The following DNAAF9 variants were observed in gnomAD, a reference collection of about 807,000 sequenced individuals.
The protein encoded by DNAAF9 is shulin.
DNAAF9 carries 90 observed loss-of-function variants against 167.0 expected under a neutral mutation model. That is an observed-to-expected ratio of 0.54 (90% CI 0.45 to 0.64). The LOEUF is 0.64. Among genes scored for constraint, DNAAF9 ranks in the 30% least tolerant of loss-of-function variants. The pLI is 0.00. For missense variants in DNAAF9, 1,315 were observed against 1,442.2 expected (o/e 0.91, Z 1.43); for synonymous variants, 491 against 508.8 (o/e 0.96, Z 0.47).
intron 8 of DNAAF9, among the ~76,000 whole-genome samples, chr20:3,343,988 CAAAAT>C (rs2070140722): frequency 6.7e-6 from 1 of 150,350 alleles, no homozygotes; most frequent in Admixed American, 6.6e-5. Context: ...AAGTGGCAAA[CAAAAT>C]AATACCAAAA....
At chr20:3,330,576 GA>G in intron 12 of DNAAF9, 69 bp downstream of exon 12, 1 of 898,572 alleles carries the variant, frequency 1.1e-6, no homozygotes. Flanking sequence ...ATCTCAAAAG[GA>G]AGTACACAGG....
intron 12 of DNAAF9, among the ~76,000 whole-genome samples, chr20:3,328,030 C>A (rs1206462260): frequency 6.6e-6 from 1 of 152,118 alleles, no homozygotes; most frequent in Non-Finnish European, 1.5e-5. Context: ...GCAAAGATAT[C>A]CCCCTCCTCA....
chr20:3,325,194 T>C (rs931338235), intron 13 of DNAAF9, among the ~76,000 whole-genome samples: 2 of 152,184 alleles, frequency 1.3e-5, no homozygotes, highest in African/African-American at 4.8e-5. Flanking sequence ...AGGACAAAAC[T>C]GCATTCAGGC....
Position 3,250,432 on chromosome 20 carries a change from G to A in DNAAF9, c.*2140C>T, listed in dbSNP as rs1021965587. 1 of 152,254 alleles carries A rather than the reference G, an allele frequency of 6.6e-6. No homozygotes were observed. Among genetic ancestry groups the A allele is most frequent in the Non-Finnish European group, 1.5e-5 (1 of 68,054 alleles). 9.4% of individuals were successfully genotyped at this position (152,254 alleles called of 1,614,324 possible). A position where few individuals can be genotyped will look rare whatever the true frequency, so the allele number is the denominator to read the frequency against. ...CCCTTCACGTTCCCGAGTAGGCTGA[G>A]GAGCATCAACAGAGGCCTCAGCCAG... On this transcript the variant is annotated 3_prime_UTR_variant, in exon 37 of 37. Coordinates refer to ENST00000252032, the MANE Select transcript of DNAAF9 (RefSeq NM_001009984.3).
At chr20:3,337,472 C>A (rs2069986312) in intron 10 of DNAAF9, among the ~76,000 whole-genome samples, 1 of 139,778 alleles carries the variant, frequency 7.2e-6, no homozygotes. Flanking sequence ...TTAGTAGAGA[C>A]CAGGTTTCAC....
chr20:3,252,659 G>GT lies in DNAAF9; in HGVS notation c.3446dup (p.Tyr1149Ter), dbSNP rs1568557154. The GT allele has an allele frequency of 6.2e-7, 1 of 1,607,992 alleles. No homozygotes were observed. The highest frequency in any genetic ancestry group is 2.2e-5 in the East Asian group (1 of 44,862). Residue 1149 changes from tyrosine (Y) to a stop codon, truncating the protein, a stop_gained and frameshift_variant, in exon 37 of 37, where the codon TAC becomes TAAC. Coordinates refer to ENST00000252032, the MANE Select transcript of DNAAF9 (RefSeq NM_001009984.3). LOFTEE classifies it high-confidence loss of function. ...HPLMDQFMND[Y>*]VEEANREIEK... is the part of the protein sequence containing the mutation. ...CAATTTCCCGGTTGGCTTCTTCCAC[G>GT]TAGTCATTCATGAACTGGTCCATGA...
At chr20:3,361,324 G>A (rs2083361056) in intron 6 of DNAAF9, among the ~76,000 whole-genome samples, 1 of 152,072 alleles carries the variant, frequency 6.6e-6, no homozygotes, top group Admixed American at 6.6e-5. Flanking sequence ...AGGAGTGTGG[G>A]GACAGGATGA....
intron 1 of DNAAF9, among the ~76,000 whole-genome samples, chr20:3,393,476 C>T (rs975961796): frequency 1.3e-5 from 2 of 152,022 alleles, no homozygotes; most frequent in African/African-American, 4.8e-5. Flanking sequence ...TGAGCCACTG[C>T]ACTCCAGCCT....
chr20:3,391,164 TTTC>T (rs1458544086), intron 1 of DNAAF9, among the ~76,000 whole-genome samples: 2 of 152,246 alleles, frequency 1.3e-5, no homozygotes, highest in Non-Finnish European at 2.9e-5. Context: ...CTAATTAGTG[TTTC>T]TTATTTTATT....
At chr20:3,266,402 CATT>C (rs1472960167) in intron 30 of DNAAF9, among the ~76,000 whole-genome samples, 2 of 152,178 alleles carry the variant, frequency 1.3e-5, no homozygotes, top group Non-Finnish European at 2.9e-5. Context: ...TTTTAGCATT[CATT>C]GATCGTTCCC....
chr20:3,324,946 G>A lies in DNAAF9; in HGVS notation c.1211C>T (p.Thr404Ile), dbSNP rs190605250. Reference sequence around the variant, plus strand: ...AAAGGAATCTAACCCAGATCCCAGAGTTTGCTCTGCTACCTCCTTGGCCTG... The same window carrying A: ...AAAGGAATCTAACCCAGATCCCAGAATTTGCTCTGCTACCTCCTTGGCCTG... ...LTKAKEVAEQ[T>I]LGSGLDSFEL... Residue 404 changes from threonine to isoleucine, a missense_variant, in exon 14 of 37, where the codon ACT becomes ATT. By Grantham distance (89) the Thr-to-Ile change is moderately conservative. Transcript: ENST00000252032. 2.2e-5 allele frequency: 36 copies of A among 1,607,246 alleles called. No homozygotes were observed. The Admixed American group carries it at 3.5e-4, about 16-fold the overall frequency.
In DNAAF9 at chr20:3,255,616, C is replaced by T. The variant is rs556600934; in HGVS notation, c.3262-332G>A. On this transcript the variant is annotated intron_variant, in intron 34 of 36. Transcript: ENST00000252032. ...AGTCTGAGGCCCCACAGTCAAGAAC[C>T]GTTTAGAAGCTTATCCAAGTGAGGC... Among the ~76,000 whole-genome samples, 100 of 152,252 alleles carry T rather than the reference C, an allele frequency of 6.6e-4. 2 individuals carry two copies. The South Asian group carries it at 0.02, about 30-fold the overall frequency.
At chr20:3,262,223 T>C (rs2068402759) in intron 31 of DNAAF9, among the ~76,000 whole-genome samples, 2 of 151,884 alleles carry the variant, frequency 1.3e-5, no homozygotes, top group Non-Finnish European at 2.9e-5. Flanking sequence ...GGACTGATCT[T>C]CCTGATGAGG....
intron 25 of DNAAF9, 99 bp downstream of exon 25, chr20:3,294,040 C>G: frequency 1.4e-6 from 1 of 724,704 alleles, no homozygotes; most frequent in Non-Finnish European, 2.5e-6. Flanking sequence ...ACAGGGACTC[C>G]ATCTAAGTTC....
chr20:3,346,379 A>C (rs2070193616), intron 8 of DNAAF9, among the ~76,000 whole-genome samples: 1 of 152,190 alleles, frequency 6.6e-6, no homozygotes, highest in South Asian at 2.1e-4. Context: ...TCTGTTTGTA[A>C]TGGCAAAATA....
intron 25 of DNAAF9, among the ~76,000 whole-genome samples, chr20:3,291,126 A>C (rs1170903980): frequency 6.6e-6 from 1 of 152,032 alleles, no homozygotes; most frequent in Non-Finnish European, 1.5e-5. Flanking sequence ...CGTGTGAAGC[A>C]CTTGTGATTC....
At chr20:3,309,053 A>G (rs2069356388) in intron 20 of DNAAF9, among the ~76,000 whole-genome samples, 3 of 152,072 alleles carry the variant, frequency 2.0e-5, no homozygotes, top group Admixed American at 2.0e-4. Context: ...GGACACAAAC[A>G]TTCAGTCTCT....
intron 7 of DNAAF9, among the ~76,000 whole-genome samples, chr20:3,353,649 C>CAA (rs1250816329): frequency 9.2e-6 from 1 of 108,224 alleles, no homozygotes; most frequent in African/African-American, 3.6e-5. Flanking sequence ...CCCCCCCCCG[C>CAA]AAAAAAAAAG....
intron 11 of DNAAF9, 30 bp downstream of exon 11, chr20:3,332,250 C>G: frequency 9.3e-7 from 1 of 1,074,168 alleles, no homozygotes; most frequent in South Asian, 1.3e-5. Flanking sequence ...ATTAGATAAG[C>G]TGATGAGATG....
Sources: allele counts gnomAD v4.1 joint callset (sites outside exome capture counted in the v4.1 genomes callset), GRCh38; gene constraint gnomAD v4.1.1; transcripts MANE v1.5; gene names NCBI Gene and HGNC (gene_info 2026-07-23, HGNC 2026-07-21).